B3GAT2: variants seen among roughly 807,000 people sequenced by gnomAD.
The protein encoded by B3GAT2 is beta-1,3-glucuronyltransferase 2.
In B3GAT2, 26 loss-of-function variants were observed where a neutral mutation model predicts 27.8. The ratio of observed to expected loss-of-function variants is 0.93; its 90% CI spans 0.68 to 1.30. The LOEUF is 1.30. B3GAT2 is among the 50% of genes most tolerant of loss of function. B3GAT2 has a pLI of 0.00. For missense variants in B3GAT2, 458 were observed against 459.0 expected, an observed-to-expected ratio of 1.00 and a Z score of 0.02; for synonymous variants, 218 against 195.1, an observed-to-expected ratio of 1.12 and a Z score of -0.98.
intron 1 of B3GAT2, among the ~76,000 whole-genome samples, chr6:70,929,962 C>T (rs1243939419): frequency 6.6e-6 from 1 of 152,154 alleles, no homozygotes; most frequent in African/African-American, 2.4e-5. Flanking sequence ...GCTACAGTAA[C>T]CAAATAGCAT....
rs1229590207 is a variant in B3GAT2, at chr6:70,857,134, G to A, written c.*4529C>T. On this transcript the variant is annotated 3_prime_UTR_variant, in exon 4 of 4. Transcript: ENST00000230053. The stretch of plus-strand genomic sequence containing the variant: ...TATCTTTTATTGTTCCATGTAGTGA[G>A]TGCTTTTGTTGTTGCAGTTTATACA... 4.2e-6 allele frequency: 5 copies of A among 1,187,576 alleles called. No homozygotes were observed. The highest frequency in any genetic ancestry group is 5.6e-6 in the Non-Finnish European group (5 of 889,906). The allele number at this position is 1,187,576 out of a possible 1,614,324, so 73.6% of individuals were successfully genotyped here.
chr6:70,913,254 G>T (rs1331314904), intron 1 of B3GAT2, among the ~76,000 whole-genome samples: 2 of 152,076 alleles, frequency 1.3e-5, no homozygotes, highest in African/African-American at 4.8e-5. Flanking sequence ...TGCAATGTTA[G>T]GCTGTTAATT....
chr6:70,906,061 C>A (rs1323131986), intron 1 of B3GAT2, among the ~76,000 whole-genome samples: 1 of 152,044 alleles, frequency 6.6e-6, no homozygotes, highest in African/African-American at 2.4e-5. Context: ...GAGTTCTAAC[C>A]CAAAGACCTC....
In B3GAT2 at chr6:70,856,790, A is replaced by G; in HGVS notation, c.*4873T>C. The G allele has an allele frequency of 7.0e-7, 1 of 1,433,622 alleles. No individual in the cohort carries two copies. The highest frequency in any genetic ancestry group is 2.3e-5 in the East Asian group (1 of 42,784). The allele number at this position is 1,433,622 out of a possible 1,614,324, so 88.8% of individuals were successfully genotyped here. On this transcript the variant is annotated 3_prime_UTR_variant, in exon 4 of 4. Coordinates refer to ENST00000230053, the MANE Select transcript of B3GAT2 (RefSeq NM_080742.3). ...TATCTAATTTTATAACTTTATTTGG[A>G]TTTTAAGTAATGGATAAGCTGCGCT...
At position 70,919,882 on chromosome 6, in the gene B3GAT2, C is replaced by T. The variant is rs537907861; in HGVS notation, c.592-25610G>A. ...GGACCCACTTGAGGAGGTAGTCTGT[C>T]CGTTATCAGAGCTTGAACGCCCCCG... is the stretch of plus-strand genomic sequence containing the variant. On this transcript the variant is annotated intron_variant, in intron 1 of 3. Transcript: ENST00000230053. Among the ~76,000 whole-genome samples the T allele has an allele frequency of 4.6e-5, 7 of 152,312 alleles. No individual in the cohort carries two copies. In the South Asian group the frequency reaches 1.5e-3, roughly 32 times the overall value.
At chr6:70,915,229 C>T (rs1166881303) in intron 1 of B3GAT2, among the ~76,000 whole-genome samples, 1 of 151,906 alleles carries the variant, frequency 6.6e-6, no homozygotes, top group Non-Finnish European at 1.5e-5. Context: ...TGTTCATATC[C>T]TTTGCCCACT....
At chr6:70,902,639 C>T (rs6455385) in intron 1 of B3GAT2, among the ~76,000 whole-genome samples, 49,513 of 126,680 alleles carry the variant, frequency 0.39, 9,901 homozygotes, top group African/African-American at 0.5. Context: ...TATATATATA[C>T]ACACACACAC....
At chr6:70,931,786 T>C (rs1241687838) in intron 1 of B3GAT2, among the ~76,000 whole-genome samples, 1 of 152,008 alleles carries the variant, frequency 6.6e-6, no homozygotes, top group African/African-American at 2.4e-5. Flanking sequence ...AAGCACAAAA[T>C]AGAAAATTAT....
intron 2 of B3GAT2, among the ~76,000 whole-genome samples, chr6:70,880,337 G>A (rs1017212691): frequency 3.3e-5 from 5 of 152,118 alleles, no homozygotes; most frequent in African/African-American, 1.2e-4. Context: ...ACCCCACTAG[G>A]TAGATACTAT....
intron 2 of B3GAT2, among the ~76,000 whole-genome samples, chr6:70,893,919 C>T (rs561185184): frequency 9.7e-4 from 147 of 152,284 alleles, no homozygotes; most frequent in Non-Finnish European, 1.7e-3. Context: ...ACAGAAAGGG[C>T]ATTTTCTAAT....
chr6:70,881,355 C>A (rs1011661304), intron 2 of B3GAT2, among the ~76,000 whole-genome samples: 2 of 152,134 alleles, frequency 1.3e-5, no homozygotes, highest in African/African-American at 4.8e-5. Context: ...TCTCTTGATT[C>A]CTATACTCTT....
At chr6:70,924,771 C>T (rs1458662428) in intron 1 of B3GAT2, among the ~76,000 whole-genome samples, 2 of 152,106 alleles carry the variant, frequency 1.3e-5, no homozygotes, top group African/African-American at 4.8e-5. Context: ...ATGATAATAG[C>T]CCTTCCCCCA....
chr6:70,956,141 C>T lies in B3GAT2; in HGVS notation c.289G>A (p.Glu97Lys), dbSNP rs777256563. 5 of 1,606,078 alleles carry T rather than the reference C, an allele frequency of 3.1e-6. No individual in the cohort carries two copies. In the Admixed American group the frequency reaches 8.4e-5, roughly 27 times the overall value. Reference protein sequence around the residue: ...PTYSRPVQKAELTRLANTFRQ... With the variant: ...PTYSRPVQKAKLTRLANTFRQ... ...AACGTGTTGGCCAGGCGGGTCAGCT[C>T]CGCTTTCTGCACCGGGCGGCTGTAG... The change falls in exon 1 of 4, where the codon GAG becomes AAG. Residue 97 changes from glutamate to lysine, a missense_variant. Transcript: ENST00000230053.
At chr6:70,950,529 G>A (rs1178989738) in intron 1 of B3GAT2, among the ~76,000 whole-genome samples, 2 of 152,088 alleles carry the variant, frequency 1.3e-5, no homozygotes, top group African/African-American at 2.4e-5. Flanking sequence ...AACAATGCAG[G>A]CGCTAGAACC....
At position 70,858,287 on chromosome 6, in the gene B3GAT2, CTTTT is replaced by C. The variant is rs68188898; in HGVS notation, c.*3372_*3375del. On this transcript the variant is annotated 3_prime_UTR_variant, in exon 4 of 4. Coordinates refer to ENST00000230053, the MANE Select transcript of B3GAT2 (RefSeq NM_080742.3). ...ATCAAACCAGATTTATTTTCTAAATCTTTTTTTTTTTTTTTTTTTTTTTTTTTTA... is the reference window on the plus strand; with the variant it reads ...ATCAAACCAGATTTATTTTCTAAATCTTTTTTTTTTTTTTTTTTTTTTTTA... 10,683 of 284,172 alleles carry C rather than the reference CTTTT, an allele frequency of 0.038. 81 individuals are homozygous for C. The highest frequency in any genetic ancestry group is 0.11 in the African/African-American group (2,498 of 22,962). The allele number at this position is 284,172 out of a possible 1,614,324, so 17.6% of individuals were successfully genotyped here. A position where few individuals can be genotyped will look rare whatever the true frequency, so the allele number is the denominator to read the frequency against.
chr6:70,956,328 G>A lies in B3GAT2; in HGVS notation c.102C>T (p.Leu34=). ...DVDTRRPVPP[L]TPRPYFSPYA... ...AGGGAGAGAAGTAGGGGCGCGGGGTGAGCGGGGGCACTGGCCTGCGCGTGT... is the reference window on the plus strand; with the variant it reads ...AGGGAGAGAAGTAGGGGCGCGGGGTAAGCGGGGGCACTGGCCTGCGCGTGT... The change falls in exon 1 of 4, where the codon CTC becomes CTT. Residue 34 remains leucine (L), a synonymous_variant. Transcript: ENST00000230053. The A allele has an allele frequency of 6.3e-7, 1 of 1,581,868 alleles. No homozygotes were observed. The highest frequency in any genetic ancestry group is 1.3e-5 in the African/African-American group (1 of 74,562).
chr6:70,875,378 G>T (rs983209596), intron 2 of B3GAT2, among the ~76,000 whole-genome samples: 1 of 152,106 alleles, frequency 6.6e-6, no homozygotes, highest in African/African-American at 2.4e-5. Flanking sequence ...ATTTCCACTA[G>T]ATTTAAATCA....
In B3GAT2 at chr6:70,858,048, G is replaced by A. The variant is rs745936264; in HGVS notation, c.*3615C>T. On this transcript the variant is annotated 3_prime_UTR_variant, in exon 4 of 4. Transcript: ENST00000230053. ...CTTATAGGAAATGTGATGGGACAGA[G>A]TCCAAGCATGATGGTGGGCATGCCC... 6.6e-5 allele frequency: 107 copies of A among 1,614,044 alleles called. No individual in the cohort carries two copies. In the Middle Eastern group the frequency reaches 1.5e-3, roughly 22 times the overall value.
intron 1 of B3GAT2, among the ~76,000 whole-genome samples, chr6:70,926,930 G>T (rs180876724): frequency 1.3e-5 from 2 of 152,284 alleles, no homozygotes; most frequent in African/African-American, 4.8e-5. Flanking sequence ...CAGAGAGAAA[G>T]GTCGGGTTAC....
Sources: gnomAD v4.1 joint callset for allele counts (sites outside exome capture counted in the v4.1 genomes callset) on GRCh38, gnomAD v4.1.1 for gene constraint, MANE v1.5 for transcripts, NCBI Gene and HGNC (gene_info 2026-07-23, HGNC 2026-07-21) for gene names.